ARMH3: variants seen among roughly 807,000 people sequenced by gnomAD.
ARMH3 encodes the protein armadillo-like helical domain-containing protein 3.
Under a neutral mutation model 99.1 loss-of-function variants are expected in ARMH3, and 60 were observed. The observed-to-expected ratio is 0.61, with a 90% CI of 0.49 to 0.75. The LOEUF (loss-of-function observed/expected upper bound fraction) is 0.75, where lower values mean the gene tolerates loss of function less well. Ranked by LOEUF, ARMH3 falls within the 30% of genes least tolerant of loss-of-function variation. The probability of loss-of-function intolerance (pLI) is 0.00; values close to 1 mark genes in which losing one functional copy is unlikely to be tolerated. For synonymous variants in ARMH3, 285 were observed against 292.8 expected (o/e 0.97, Z 0.27); for missense variants, 679 against 843.1 (o/e 0.81, Z 2.41).
intron 22 of ARMH3, among the ~76,000 whole-genome samples, chr10:101,947,018 T>C (rs1844562217): frequency 6.6e-6 from 1 of 151,792 alleles, no homozygotes; most frequent in Admixed American, 6.6e-5. Context: ...TGAAACCCCG[T>C]CTCTACTAAA....
At chr10:101,906,026 C>T (rs1459258571) in intron 23 of ARMH3, among the ~76,000 whole-genome samples, 2 of 152,156 alleles carry the variant, frequency 1.3e-5, no homozygotes, top group Non-Finnish European at 2.9e-5. Flanking sequence ...GTACATGTTA[C>T]ATTCTGCACC....
rs1392566150 is a variant in ARMH3, at chr10:101,947,628, C to T, written c.1706-7690G>A. On this transcript the variant is annotated intron_variant, in intron 22 of 25. Coordinates refer to ENST00000370033, the MANE Select transcript of ARMH3 (RefSeq NM_024541.3). Reference sequence around the variant, plus strand: ...CCAGCCTGACCAACATGGAGAAACCCCATCTCTACTAAAAATACAAAATTA... The same window carrying T: ...CCAGCCTGACCAACATGGAGAAACCTCATCTCTACTAAAAATACAAAATTA... 2.6e-5 allele frequency among the ~76,000 whole-genome samples: 4 copies of T among 152,008 alleles called. No homozygotes were observed. The East Asian group carries it at 7.7e-4, about 29-fold the overall frequency.
intron 22 of ARMH3, among the ~76,000 whole-genome samples, chr10:101,950,897 A>G (rs1219292627): frequency 6.6e-6 from 1 of 152,204 alleles, no homozygotes; most frequent in Non-Finnish European, 1.5e-5. Context: ...CAACTCTCTG[A>G]CTATAGTGAA....
intron 15 of ARMH3, among the ~76,000 whole-genome samples, chr10:102,000,090 A>AAAAAT (rs1235933625): frequency 1.3e-5 from 2 of 152,306 alleles, no homozygotes; most frequent in East Asian, 3.9e-4. Flanking sequence ...CAAAAAAATA[A>AAAAAT]AAAATAAAAT....
chr10:101,941,164 T>C (rs372892342), intron 22 of ARMH3, among the ~76,000 whole-genome samples: 1 of 152,224 alleles, frequency 6.6e-6, no homozygotes, highest in East Asian at 1.9e-4. Context: ...CTCAAGAGCC[T>C]ACATTTATGT....
At chr10:101,966,974 A>C (rs1845570573) in intron 20 of ARMH3, among the ~76,000 whole-genome samples, 1 of 137,588 alleles carries the variant, frequency 7.3e-6, no homozygotes, top group African/African-American at 2.6e-5. Flanking sequence ...AACAGGAAAG[A>C]GACAGCCTCC....
chr10:101,957,613 T>C (rs181690866), intron 21 of ARMH3, 37 bp downstream of exon 21: 3 of 1,575,238 alleles, frequency 1.9e-6, no homozygotes, highest in East Asian at 2.3e-5. Context: ...CCTTAGCATA[T>C]GGCTTCAGAA....
intron 23 of ARMH3, among the ~76,000 whole-genome samples, chr10:101,900,183 T>C (rs558202455): frequency 1.3e-5 from 2 of 152,334 alleles, no homozygotes; most frequent in South Asian, 4.1e-4. Flanking sequence ...CCTTACTCTG[T>C]TCTCTAGTGG....
At chr10:101,882,789 A>G (rs1186854087) in intron 24 of ARMH3, among the ~76,000 whole-genome samples, 3 of 152,064 alleles carry the variant, frequency 2.0e-5, no homozygotes, top group Non-Finnish European at 4.4e-5. Context: ...GAGCCACCAC[A>G]CCCAGCCTAA....
chr10:101,993,456 A>G (rs549973992), intron 17 of ARMH3, 82 bp downstream of exon 17: 1 of 1,057,316 alleles, frequency 9.5e-7, no homozygotes, highest in Non-Finnish European at 1.4e-6. Flanking sequence ...CATTTGTTCT[A>G]GTAAGATCAA....
At chr10:101,874,736 A>G (rs1461600052) in intron 24 of ARMH3, among the ~76,000 whole-genome samples, 1 of 152,172 alleles carries the variant, frequency 6.6e-6, no homozygotes, top group East Asian at 1.9e-4. Context: ...ATACTACATG[A>G]TCATGGCTCT....
intron 24 of ARMH3, among the ~76,000 whole-genome samples, chr10:101,851,904 G>T (rs972368704): frequency 6.6e-6 from 1 of 152,206 alleles, no homozygotes; most frequent in African/African-American, 2.4e-5. Context: ...CTGGTACCCA[G>T]CAACAGCAGT....
In ARMH3 at chr10:102,012,881, A is replaced by G. The variant is rs1243807856; in HGVS notation, c.727-5T>C. 1 of 1,605,484 alleles carries G rather than the reference A, an allele frequency of 6.2e-7. No homozygotes were observed. Among genetic ancestry groups the G allele is most frequent in the Non-Finnish European group, 8.5e-7 (1 of 1,175,130 alleles). On this transcript the variant is annotated splice_region_variant and splice_polypyrimidine_tract_variant and intron_variant, in intron 9 of 25. Coordinates refer to ENST00000370033, the MANE Select transcript of ARMH3 (RefSeq NM_024541.3). ...AGCAATTACAAGTCCCATTCCCTAG[A>G]AGGGAAAAGATAGCACAGGTGAAAT...
chr10:101,953,682 T>C (rs1003168759), intron 22 of ARMH3, among the ~76,000 whole-genome samples: 5 of 151,804 alleles, frequency 3.3e-5, no homozygotes, highest in African/African-American at 1.2e-4. Context: ...GGTAGCACTA[T>C]ATATCTAGAA....
chr10:101,948,908 AAAACT>A (rs760557098), intron 22 of ARMH3, among the ~76,000 whole-genome samples: 14 of 152,316 alleles, frequency 9.2e-5, no homozygotes, highest in African/African-American at 1.9e-4. Context: ...TGGCCAAAAC[AAAACT>A]AAACTAGAAA....
chr10:102,011,647 G>A (rs901927546), intron 11 of ARMH3, 76 bp downstream of exon 11: 22 of 1,252,388 alleles, frequency 1.8e-5, no homozygotes, highest in Non-Finnish European at 2.4e-5. Context: ...TCTGAACTTC[G>A]GAGCCCGATT....
At chr10:101,964,799 C>G (rs1034438411) in intron 20 of ARMH3, among the ~76,000 whole-genome samples, 10 of 148,022 alleles carry the variant, frequency 6.8e-5, no homozygotes, top group African/African-American at 2.0e-4. Flanking sequence ...TACCTGAGGT[C>G]AGGAGTTCAA....
intron 19 of ARMH3, among the ~76,000 whole-genome samples, chr10:101,986,819 CA>C (rs1846533518): frequency 1.3e-5 from 2 of 152,094 alleles, no homozygotes; most frequent in Admixed American, 6.6e-5. Context: ...GAAACATGCC[CA>C]GGGGTAGTAA....
chr10:101,869,772 C>T (rs959585365), intron 24 of ARMH3, among the ~76,000 whole-genome samples: 4 of 152,214 alleles, frequency 2.6e-5, no homozygotes, highest in African/African-American at 9.7e-5. Flanking sequence ...AGTGGTAACA[C>T]CTGTAATCCC....
Sources: gnomAD v4.1 joint callset for allele counts (sites outside exome capture counted in the v4.1 genomes callset) on GRCh38, gnomAD v4.1.1 for gene constraint, MANE v1.5 for transcripts, NCBI Gene and HGNC (gene_info 2026-07-23, HGNC 2026-07-21) for gene names.